Variants in LTK observed in about 807,000 individuals in gnomAD.
The protein encoded by LTK is leukocyte tyrosine kinase receptor.
LTK carries 117 observed loss-of-function variants against 101.5 expected under a neutral mutation model. That is an observed-to-expected ratio of 1.15 (90% CI 0.99 to 1.34). The LOEUF (loss-of-function observed/expected upper bound fraction) is 1.34. Ranked by LOEUF, LTK falls within the 40% of genes most tolerant of loss-of-function variation. The pLI is 0.00. For missense variants in LTK, 1,252 were observed against 1,164.7 expected (o/e 1.07, Z -1.09); for synonymous variants, 563 against 494.2 (o/e 1.14, Z -1.85).
rs529356637 is a variant in LTK at position 41,509,413 on chromosome 15, G to C, written c.998-284C>G. Among the ~76,000 whole-genome samples the C allele has an allele frequency of 1.4e-4, 22 of 152,264 alleles. No individual in the cohort carries two copies. In the South Asian group the frequency reaches 4.6e-3, roughly 32 times the overall value. On this transcript the variant is annotated intron_variant, in intron 7 of 19. Coordinates refer to ENST00000263800, the MANE Select transcript of LTK (RefSeq NM_002344.6). ...GAATGTAGATCATGTGTGTATGTAT[G>C]AGCAGTACAGCCCAGACAGGCACAA...
chr15:41,513,492 G>A (rs986517634), intron 1 of LTK, among the ~76,000 whole-genome samples, 175 bp downstream of exon 1: 14 of 152,230 alleles, frequency 9.2e-5, no homozygotes, highest in African/African-American at 3.4e-4. Context: ...TCTGGGATTC[G>A]CACGCACTTG....
At chr15:41,512,500 C>T (rs1442413230) in intron 3 of LTK, among the ~76,000 whole-genome samples, 1 of 152,200 alleles carries the variant, frequency 6.6e-6, no homozygotes, top group Non-Finnish European at 1.5e-5. Context: ...TGGCGCCGCC[C>T]TGGTTGGGGG....
Position 41,511,836 on chromosome 15 carries a change from C to A in LTK, c.638G>T (p.Gly213Val). Reference sequence around the variant, plus strand: ...ACGTACCCGGAAAACGTAGGTGGCGCCCCCGCCACCCCCGCCACCTCCCGC... The same window carrying A: ...ACGTACCCGGAAAACGTAGGTGGCGACCCCGCCACCCCCGCCACCTCCCGC... ...RWAGGGGGGG[G>V]ATYVFRVRAG... Residue 213 changes from glycine (G) to valine (V), a missense_variant, in exon 5 of 20, where the codon GGC becomes GTC. By Grantham distance (109) the Gly-to-Val change is moderately radical. Transcript: ENST00000263800. The surrounding 1 kb of genome is among the most constrained non-coding windows in gnomAD (Gnocchi z 5.9). 6.9e-7 allele frequency: 1 copy of A among 1,454,952 alleles called. No homozygotes were observed. The highest frequency in any genetic ancestry group is 9.0e-7 in the Non-Finnish European group (1 of 1,105,600). The allele number at this position is 1,454,952 out of a possible 1,614,324, so 90.1% of individuals were successfully genotyped here.
At chr15:41,509,626 C>A (rs1291314195) in intron 7 of LTK, among the ~76,000 whole-genome samples, 1 of 151,966 alleles carries the variant, frequency 6.6e-6, no homozygotes, top group African/African-American at 2.4e-5. Flanking sequence ...TTTGGGAGGC[C>A]GACATGGGCG....
chr15:41,504,917 G>A, intron 16 of LTK, 43 bp from the exon 17 acceptor site: 1 of 1,600,092 alleles, frequency 6.2e-7, no homozygotes, highest in Non-Finnish European at 8.5e-7. Context: ...TCACCACCAA[G>A]GTGCGGGGAA....
intron 11 of LTK, among the ~76,000 whole-genome samples, chr15:41,506,461 C>T (rs137878745): frequency 7.3e-5 from 11 of 151,104 alleles, no homozygotes; most frequent in African/African-American, 2.2e-4. Context: ...AGCGCCACAA[C>T]GCCCAGCTAT....
chr15:41,507,412 T>A, intron 10 of LTK, 122 bp from the exon 11 acceptor site: 1 of 1,515,936 alleles, frequency 6.6e-7, no homozygotes, highest in Non-Finnish European at 8.9e-7. Flanking sequence ...CCTCCCCAGC[T>A]CCTTCCTATC....
Position 41,504,851 on chromosome 15 carries a change from T to TC in LTK, c.2041dup (p.Asp681GlyfsTer66), listed in dbSNP as rs758764755. ...CCACTTGACTGGGAGCAAGGCCCGGTCCCCCCTGCGGTAATAACTGGCCCT... is the reference window on the plus strand; with the variant it reads ...CCACTTGACTGGGAGCAAGGCCCGGTCCCCCCCTGCGGTAATAACTGGCCCT... On this transcript the variant is annotated frameshift_variant, in exon 17 of 20. Transcript: ENST00000263800. LOFTEE classifies it high-confidence loss of function. 4 of 1,612,814 alleles carry TC rather than the reference T, an allele frequency of 2.5e-6. No homozygotes were observed. In the South Asian group the frequency reaches 3.3e-5, roughly 13 times the overall value.
Position 41,507,572 on chromosome 15 carries a change from G to C in LTK, c.1335C>G (p.Val445=). 1 of 1,613,768 alleles carries C rather than the reference G, an allele frequency of 6.2e-7. No homozygotes were observed. The highest frequency in any genetic ancestry group is 8.5e-7 in the Non-Finnish European group (1 of 1,179,936). The change falls in exon 10 of 20, where the codon GTC becomes GTG. Residue 445 remains valine (V), a synonymous_variant. Transcript: ENST00000263800. ...STLSLLMVCG[V]LILVKQKKWQ... is the part of the protein sequence containing the mutation. The stretch of plus-strand genomic sequence containing the variant: ...CTAGACGCTTCGTACCCAGAATCAG[G>C]ACCCCACACACCATAAGGAGGCTCA...
Position 41,513,749 on chromosome 15 carries a change from G to C in LTK, c.-40C>G. The C allele has an allele frequency of 6.3e-7, 1 of 1,579,532 alleles. No homozygotes were observed. Among genetic ancestry groups the C allele is most frequent in the Non-Finnish European group, 8.7e-7 (1 of 1,149,116 alleles). ...CCCGGCAACAAAAGCCCTTGCGGTC[G>C]CGGCCACACCCCTGTCAACCTAAAG... On this transcript the variant is annotated 5_prime_UTR_variant, in exon 1 of 20. Coordinates refer to ENST00000263800, the MANE Select transcript of LTK (RefSeq NM_002344.6).
rs1309526870 is a variant in LTK, at chr15:41,508,068, C to T, written c.1249+1G>A. 3.1e-6 allele frequency: 5 copies of T among 1,599,790 alleles called. No homozygotes were observed. The highest frequency in any genetic ancestry group is 4.3e-6 in the Non-Finnish European group (5 of 1,173,150). ...AGACCTTGGGCAAAGGTAGGACATA[C>T]CCATGCAGGTGACGTTATCCACAGC... is the stretch of plus-strand genomic sequence containing the variant. On this transcript the variant is annotated splice_donor_variant, in intron 9 of 19. Transcript: ENST00000263800. LOFTEE classifies it high-confidence loss of function.
intron 7 of LTK, among the ~76,000 whole-genome samples, chr15:41,510,460 TG>T (rs1194326958): frequency 6.7e-6 from 1 of 149,720 alleles, no homozygotes; most frequent in Admixed American, 6.8e-5. Context: ...TAATTTCCAT[TG>T]TTTTTTTTTT....
intron 12 of LTK, 56 bp downstream of exon 12, chr15:41,505,859 T>C (rs2051262203): frequency 1.0e-5 from 16 of 1,599,880 alleles, no homozygotes; most frequent in East Asian, 4.5e-5. Context: ...GTCATTGTCC[T>C]TCCCTTCAGG....
In LTK at chr15:41,512,890, G is replaced by A. The variant is rs1166472218; in HGVS notation, c.188-12C>T. On this transcript the variant is annotated splice_polypyrimidine_tract_variant and intron_variant, in intron 2 of 19. Coordinates refer to ENST00000263800, the MANE Select transcript of LTK (RefSeq NM_002344.6). ...AGACCCCTCGGTGCCTGAGAGCAAG[G>A]AGCGAGGCAAGGGTCGTCGAGCCCC... 2 of 1,609,020 alleles carry A rather than the reference G, an allele frequency of 1.2e-6. No homozygotes were observed. The highest frequency in any genetic ancestry group is 2.2e-5 in the South Asian group (2 of 90,882).
chr15:41,510,608 C>T (rs1205184381), intron 7 of LTK, among the ~76,000 whole-genome samples: 3 of 150,762 alleles, frequency 2.0e-5, no homozygotes, highest in Admixed American at 6.6e-5. Flanking sequence ...ATTACAGGCT[C>T]CCGCCACCAC....
chr15:41,511,199 G>C lies in LTK; in HGVS notation c.962C>G (p.Ala321Gly). The C allele has an allele frequency of 7.2e-7, 1 of 1,394,748 alleles. No homozygotes were observed. The highest frequency in any genetic ancestry group is 9.2e-7 in the Non-Finnish European group (1 of 1,081,348). 86.4% of individuals were successfully genotyped at this position (1,394,748 alleles called of 1,614,324 possible). ...AAGGFGGGGG[A>G]CTAGGGGGGY... ...GCCGCCGCCTCCGCCCGCAGTGCAG[G>C]CCCCGCCGCCGCCCCCGAAGCCGCC... Residue 321 changes from alanine (A) to glycine (G), a missense_variant, in exon 7 of 20, where the codon GCC (alanine) becomes GGC (glycine). Physicochemically the swap from Ala to Gly is moderately conservative, Grantham distance 60 (BLOSUM62 0). Coordinates refer to ENST00000263800, the MANE Select transcript of LTK (RefSeq NM_002344.6). This position sits in a 1 kb window ranked among gnomAD's most constrained non-coding sequence, Gnocchi z 5.9.
intron 7 of LTK, among the ~76,000 whole-genome samples, chr15:41,510,836 T>C (rs2051433758): frequency 6.6e-6 from 1 of 152,204 alleles, no homozygotes; most frequent in Non-Finnish European, 1.5e-5. Context: ...AACCACTGAC[T>C]TAACCCAATC....
rs114025907 is a variant in LTK at position 41,511,629 on chromosome 15, C to T, written c.658-51G>A. The stretch of plus-strand genomic sequence containing the variant: ...GAAGCGCCCTCCAGCTGTCCAGGGG[C>T]ACTGCCACTGGGAGAGGGCTCCCGC... On this transcript the variant is annotated intron_variant, in intron 5 of 19. Coordinates refer to ENST00000263800, the MANE Select transcript of LTK (RefSeq NM_002344.6). The surrounding 1 kb of genome is among the most constrained non-coding windows in gnomAD (Gnocchi z 5.9). 0.011 allele frequency: 15,063 copies of T among 1,414,562 alleles called. 254 individuals are homozygous for T. The highest frequency in any genetic ancestry group is 0.06 in the South Asian group (3,778 of 63,056). The allele number at this position is 1,414,562 out of a possible 1,614,324, so 87.6% of individuals were successfully genotyped here. A position where few individuals can be genotyped will look rare whatever the true frequency, so the allele number is the denominator to read the frequency against.
chr15:41,511,526 C>G lies in LTK; in HGVS notation c.710G>C (p.Arg237Pro), dbSNP rs1244868369. ...PLLVAAGGGGRAYLRPRDRGR... is the reference protein window; with the variant it reads ...PLLVAAGGGGPAYLRPRDRGR... ...TCGGTCCCGCGGCCTCAGGTAGGCC[C>G]GACCGCCGCCTCCGGCCGCCACCAG... The change falls in exon 6 of 20, where the codon CGG becomes CCG. Residue 237 changes from arginine to proline, a missense_variant. By Grantham distance (103) the Arg-to-Pro change is moderately radical. Transcript: ENST00000263800. The surrounding 1 kb of genome is among the most constrained non-coding windows in gnomAD (Gnocchi z 5.9). 6 of 1,466,840 alleles carry G rather than the reference C, an allele frequency of 4.1e-6. No homozygotes were observed. Among genetic ancestry groups the G allele is most frequent in the Non-Finnish European group, 5.4e-6 (6 of 1,120,560 alleles). The allele number at this position is 1,466,840 out of a possible 1,614,324, so 90.9% of individuals were successfully genotyped here.
Sources: gnomAD v4.1 joint callset for allele counts (sites outside exome capture counted in the v4.1 genomes callset) on GRCh38, gnomAD v4.1.1 for gene constraint, Gnocchi (gnomAD v3.1) non-coding constraint, MANE v1.5 for transcripts, NCBI Gene and HGNC (gene_info 2026-07-23, HGNC 2026-07-21) for gene names.